Variants in FBXL7 observed in about 807,000 individuals in gnomAD.
The protein encoded by FBXL7 is F-box/LRR-repeat protein 7.
Under a neutral mutation model 38.3 loss-of-function variants are expected in FBXL7, and 12 were observed. The observed-to-expected ratio is 0.31, with a 90% confidence interval of 0.20 to 0.51. FBXL7 has a LOEUF of 0.51. FBXL7 is among the 20% of genes least tolerant of loss of function. FBXL7 has a pLI of 0.98. For synonymous variants in FBXL7, 297 were observed against 300.9 expected (o/e 0.99, Z 0.13); for missense variants, 567 against 676.4 (o/e 0.84, Z 1.79).
chr5:15,544,940 T>C (rs1251037279), intron 1 of FBXL7, among the ~76,000 whole-genome samples: 13 of 152,220 alleles, frequency 8.5e-5, no homozygotes, highest in Non-Finnish European at 1.2e-4. Context: ...GGTAAGACCT[T>C]CTAACATTTT....
At chr5:15,768,301 G>A (rs557234386) in intron 2 of FBXL7, among the ~76,000 whole-genome samples, 4 of 152,246 alleles carry the variant, frequency 2.6e-5, no homozygotes, top group East Asian at 3.9e-4. Context: ...GGAGGCCGAG[G>A]CAGGTGGATC....
intron 2 of FBXL7, among the ~76,000 whole-genome samples, chr5:15,745,767 G>T (rs951367595): frequency 6.6e-6 from 1 of 152,192 alleles, no homozygotes; most frequent in Non-Finnish European, 1.5e-5. Flanking sequence ...GGGTCAGGAT[G>T]ATGGGGGAAG....
At chr5:15,596,615 G>C (rs1049780597) in intron 1 of FBXL7, among the ~76,000 whole-genome samples, 1 of 152,242 alleles carries the variant, frequency 6.6e-6, no homozygotes, top group African/African-American at 2.4e-5. Flanking sequence ...CACAAGGGCA[G>C]TGCCTGCCTG....
At chr5:15,710,559 G>A (rs535520626) in intron 2 of FBXL7, among the ~76,000 whole-genome samples, 9 of 152,190 alleles carry the variant, frequency 5.9e-5, no homozygotes, top group Non-Finnish European at 8.8e-5. Flanking sequence ...GTATGATGCC[G>A]TAATATTTTG....
chr5:15,543,023 A>G (rs1189567073), intron 1 of FBXL7, among the ~76,000 whole-genome samples: 1 of 152,284 alleles, frequency 6.6e-6, no homozygotes, highest in East Asian at 1.9e-4. Context: ...TTACAAATAT[A>G]GATTTAATAG....
chr5:15,551,001 T>C (rs1158299245), intron 1 of FBXL7, among the ~76,000 whole-genome samples: 2 of 152,342 alleles, frequency 1.3e-5, no homozygotes, highest in East Asian at 3.9e-4. Flanking sequence ...GGGTGGGAGT[T>C]ATTATTTTTT....
chr5:15,872,084 A>C (rs1739990814), intron 2 of FBXL7, among the ~76,000 whole-genome samples: 1 of 152,216 alleles, frequency 6.6e-6, no homozygotes, highest in African/African-American at 2.4e-5. Flanking sequence ...CTAAGAGCGG[A>C]TCTCTCTGCA....
chr5:15,562,903 T>C (rs1030987794), intron 1 of FBXL7, among the ~76,000 whole-genome samples: 2 of 152,148 alleles, frequency 1.3e-5, no homozygotes, highest in Non-Finnish European at 2.9e-5. Flanking sequence ...ACAATATTCA[T>C]ACATTAGCCA....
At chr5:15,847,884 G>A (rs532137798) in intron 2 of FBXL7, among the ~76,000 whole-genome samples, 40 of 152,170 alleles carry the variant, frequency 2.6e-4, no homozygotes, top group Non-Finnish European at 4.7e-4. Flanking sequence ...AAGAAAACAG[G>A]GGCTATAGTC....
At chr5:15,833,131 C>T (rs1738501381) in intron 2 of FBXL7, among the ~76,000 whole-genome samples, 1 of 152,110 alleles carries the variant, frequency 6.6e-6, no homozygotes, top group Non-Finnish European at 1.5e-5. Context: ...TAAATTGCGT[C>T]AGTCTCGGGT....
In FBXL7 at chr5:15,732,684, G is replaced by T. The variant is rs1020393633; in HGVS notation, c.127+116612G>T. On this transcript the variant is annotated intron_variant, in intron 2 of 3. Transcript: ENST00000504595. ...ATTACGATCTATAGAAGCCCCACTT[G>T]TCTAAACTGCAATATCCTCCTATTT... Among the ~76,000 whole-genome samples the T allele has an allele frequency of 3.3e-5, 5 of 152,192 alleles. No homozygotes were observed. In the East Asian group the frequency reaches 9.6e-4, roughly 29 times the overall value.
chr5:15,834,584 A>C (rs1001558581), intron 2 of FBXL7, among the ~76,000 whole-genome samples: 2 of 152,186 alleles, frequency 1.3e-5, no homozygotes, highest in Admixed American at 6.5e-5. Flanking sequence ...AAGGGATAAA[A>C]GTATTGTTTC....
chr5:15,809,921 A>G (rs1737813093), intron 2 of FBXL7, among the ~76,000 whole-genome samples: 2 of 152,324 alleles, frequency 1.3e-5, no homozygotes, highest in East Asian at 1.9e-4. Context: ...CCTAATGTGT[A>G]AATGGCAGAT....
intron 2 of FBXL7, among the ~76,000 whole-genome samples, chr5:15,769,178 G>A (rs757439141): frequency 1.3e-5 from 2 of 152,224 alleles, no homozygotes; most frequent in African/African-American, 4.8e-5. Flanking sequence ...CCTTCTGGGG[G>A]AGTGCGAGAA....
intron 2 of FBXL7, among the ~76,000 whole-genome samples, chr5:15,676,406 AG>A (rs1561080839): frequency 6.6e-6 from 1 of 152,362 alleles, no homozygotes. Context: ...ATTGATGCCA[AG>A]GTTTTCACTG....
intron 2 of FBXL7, among the ~76,000 whole-genome samples, chr5:15,651,594 A>G (rs929760736): frequency 2.0e-5 from 3 of 152,150 alleles, no homozygotes; most frequent in African/African-American, 7.2e-5. Flanking sequence ...GGTCTCAACA[A>G]TGGGGTTAAA....
intron 2 of FBXL7, among the ~76,000 whole-genome samples, chr5:15,668,789 C>G (rs2126594138): frequency 6.6e-6 from 1 of 152,294 alleles, no homozygotes; most frequent in Non-Finnish European, 1.5e-5. Context: ...TCAGTTCTAA[C>G]TTATGTAAAG....
intron 1 of FBXL7, among the ~76,000 whole-genome samples, chr5:15,559,000 C>T (rs1561027286): frequency 6.6e-6 from 1 of 152,154 alleles, no homozygotes; most frequent in Non-Finnish European, 1.5e-5. Flanking sequence ...AAGTAATGTA[C>T]CAAAGACGGT....
At chr5:15,591,416 G>A (rs1376465422) in intron 1 of FBXL7, among the ~76,000 whole-genome samples, 1 of 147,346 alleles carries the variant, frequency 6.8e-6, no homozygotes, top group African/African-American at 2.5e-5. Context: ...GCAACAGAGT[G>A]AGACTCTGTC....
Sources: allele counts gnomAD v4.1 joint callset (sites outside exome capture counted in the v4.1 genomes callset), GRCh38; gene constraint gnomAD v4.1.1; transcripts MANE v1.5; gene names NCBI Gene and HGNC (gene_info 2026-07-23, HGNC 2026-07-21).